The following NAA50 variants were observed in gnomAD, a reference collection of about 807,000 sequenced individuals.
NAA50 encodes the protein N-alpha-acetyltransferase 50.
In NAA50, 7 loss-of-function variants were observed where a neutral mutation model predicts 20.7. That is an observed-to-expected ratio of 0.34 (90% confidence interval 0.19 to 0.63). The LOEUF (loss-of-function observed/expected upper bound fraction) is 0.63. Ranked by LOEUF, NAA50 falls within the 30% of genes least tolerant of loss-of-function variation. The probability of loss-of-function intolerance (pLI) is 0.75; values close to 1 mark genes in which losing one functional copy is unlikely to be tolerated. For synonymous variants in NAA50, 54 were observed against 70.6 expected (o/e 0.77, Z 1.18); for missense variants, 111 against 199.1 (o/e 0.56, Z 2.66).
intron 1 of NAA50, among the ~76,000 whole-genome samples, chr3:113,745,366 GT>G (rs1559744240): frequency 6.6e-6 from 1 of 152,240 alleles, no homozygotes; most frequent in Non-Finnish European, 1.5e-5. Context: ...CAAGTCTACA[GT>G]GATCGCGCTC....
intron 1 of NAA50, among the ~76,000 whole-genome samples, chr3:113,732,264 A>G (rs1398010004): frequency 6.6e-6 from 1 of 152,210 alleles, no homozygotes; most frequent in Non-Finnish European, 1.5e-5. Context: ...GACAAAAAAG[A>G]TTTTAAGATG....
intron 1 of NAA50, among the ~76,000 whole-genome samples, chr3:113,731,345 T>C (rs1408791339): frequency 6.6e-6 from 1 of 152,208 alleles, no homozygotes; most frequent in Non-Finnish European, 1.5e-5. Context: ...TATTTCTGAG[T>C]TGTATTCAAG....
In NAA50 at chr3:113,744,219, T is replaced by C. The variant is rs550617849; in HGVS notation, c.8+1723A>G. Among the ~76,000 whole-genome samples the C allele has an allele frequency of 2.6e-5, 4 of 152,246 alleles. No homozygotes were observed. In the East Asian group the frequency reaches 7.7e-4, roughly 29 times the overall value. ...GCTCACACCTGTAATCCCAGCACTT[T>C]GGGAGGCAGAGGTGGGTGGATCGCT... On this transcript the variant is annotated intron_variant, in intron 1 of 4. Transcript: ENST00000240922.
chr3:113,722,782 G>C (rs887229727), intron 4 of NAA50, 124 bp downstream of exon 4: 1 of 1,161,998 alleles, frequency 8.6e-7, no homozygotes, highest in Non-Finnish European at 1.2e-6. Context: ...CGAATACTTT[G>C]TAACAACTAC....
At position 113,724,107 on chromosome 3, in the gene NAA50, C is replaced by T. The variant is rs1320163016; in HGVS notation, c.9-12G>A. 2 of 1,552,384 alleles carry T rather than the reference C, an allele frequency of 1.3e-6. No individual in the cohort carries two copies. Among genetic ancestry groups the T allele is most frequent in the African/African-American group, 2.7e-5 (2 of 73,254 alleles). ...GCTCGATCCGGCTACTGGAACAAAT[C>T]AAAATGTACTCAATAAAACATAATT... On this transcript the variant is annotated splice_polypyrimidine_tract_variant and intron_variant, in intron 1 of 4. Coordinates refer to ENST00000240922, the MANE Select transcript of NAA50 (RefSeq NM_025146.4).
In NAA50 at chr3:113,721,210, A is replaced by G. The variant is rs1708130755; in HGVS notation, c.*550T>C. ...ATATAATTACTTAAAAATCAACATA[A>G]GCTTAGTATTTCTTACAAGGATAAC... On this transcript the variant is annotated 3_prime_UTR_variant, in exon 5 of 5. Transcript: ENST00000240922. The G allele has an allele frequency of 6.5e-6, 1 of 153,252 alleles. No homozygotes were observed. The highest frequency in any genetic ancestry group is 1.9e-4 in the East Asian group (1 of 5,214). The allele number at this position is 153,252 out of a possible 1,614,324, so 9.5% of individuals were successfully genotyped here.
intron 1 of NAA50, chr3:113,741,296 C>T: frequency 2.8e-6 from 1 of 355,112 alleles, no homozygotes; most frequent in Non-Finnish European, 5.5e-6. Context: ...CCACAAGGTA[C>T]ATTTCAACTG....
intron 1 of NAA50, among the ~76,000 whole-genome samples, chr3:113,742,078 C>G (rs975173530): frequency 1.3e-5 from 2 of 152,124 alleles, no homozygotes; most frequent in African/African-American, 4.8e-5. Context: ...CATCTCAACA[C>G]AGCAAGGGCA....
chr3:113,721,508 A>T lies in NAA50; in HGVS notation c.*252T>A, dbSNP rs1708135686. The T allele has an allele frequency of 3.9e-6, 2 of 509,910 alleles. No homozygotes were observed. The highest frequency in any genetic ancestry group is 3.9e-5 in the African/African-American group (2 of 51,614). The allele number at this position is 509,910 out of a possible 1,614,324, so 31.6% of individuals were successfully genotyped here. A position where few individuals can be genotyped will look rare whatever the true frequency, so the allele number is the denominator to read the frequency against. On this transcript the variant is annotated 3_prime_UTR_variant, in exon 5 of 5. Coordinates refer to ENST00000240922, the MANE Select transcript of NAA50 (RefSeq NM_025146.4). ...TTAGGACCATCTAACTTCAACTGCA[A>T]AACTAAACAGATCTACCTTGTCCTT...
intron 1 of NAA50, among the ~76,000 whole-genome samples, chr3:113,739,232 A>T (rs1395531064): frequency 2.0e-5 from 3 of 152,232 alleles, no homozygotes; most frequent in Admixed American, 6.5e-5. Flanking sequence ...AACGCATCGC[A>T]AAGAAAATTT....
intron 1 of NAA50, among the ~76,000 whole-genome samples, chr3:113,733,189 G>C (rs571083866): frequency 2.0e-5 from 3 of 152,204 alleles, no homozygotes; most frequent in African/African-American, 7.2e-5. Context: ...TCCTTTATCA[G>C]ACAGATGATT....
chr3:113,745,066 C>CT (rs1460534618), intron 1 of NAA50, among the ~76,000 whole-genome samples: 2 of 152,168 alleles, frequency 1.3e-5, no homozygotes, highest in African/African-American at 4.8e-5. Context: ...TCCAAAACGG[C>CT]TTGAGACAAT....
chr3:113,740,390 C>A (rs1199655218), intron 1 of NAA50, among the ~76,000 whole-genome samples: 4 of 152,150 alleles, frequency 2.6e-5, no homozygotes, highest in Non-Finnish European at 5.9e-5. Context: ...GAGACAGGGT[C>A]TCCCTCTGTC....
intron 1 of NAA50, chr3:113,741,009 C>A: frequency 2.0e-6 from 1 of 495,484 alleles, no homozygotes. Flanking sequence ...TTTTACATAA[C>A]ATTAACAGTT....
Position 113,721,742 on chromosome 3 carries a change from A to C in NAA50, c.*18T>G. On this transcript the variant is annotated 3_prime_UTR_variant, in exon 5 of 5. Transcript: ENST00000240922. ...ATTTGGCGACAAGCAAGTGCAAGAAAGTTCATTTGTAATTTGTTCAGTTGT... is the reference window on the plus strand; with the variant it reads ...ATTTGGCGACAAGCAAGTGCAAGAACGTTCATTTGTAATTTGTTCAGTTGT... 6.2e-7 allele frequency: 1 copy of C among 1,613,478 alleles called. No homozygotes were observed. The highest frequency in any genetic ancestry group is 8.5e-7 in the Non-Finnish European group (1 of 1,179,644).
In NAA50 at chr3:113,718,963, GTT is replaced by G. The variant is rs1005326895; in HGVS notation, c.*2795_*2796del. 16 of 152,718 alleles carry G rather than the reference GTT, an allele frequency of 1.0e-4. No homozygotes were observed. Among genetic ancestry groups the G allele is most frequent in the African/African-American group, 3.6e-4 (15 of 41,556 alleles). The allele number at this position is 152,718 out of a possible 1,614,324, so 9.5% of individuals were successfully genotyped here. A position where few individuals can be genotyped will look rare whatever the true frequency, so the allele number is the denominator to read the frequency against. ...GCTGGCTGCAGAATTCAACAATACA[GTT>G]TTGACATTTACAGATATCACAGATC... On this transcript the variant is annotated 3_prime_UTR_variant, in exon 5 of 5. Transcript: ENST00000240922.
chr3:113,736,700 GTTTT>G (rs1426460486), intron 1 of NAA50, among the ~76,000 whole-genome samples: 4 of 152,048 alleles, frequency 2.6e-5, no homozygotes. Context: ...GTAAAAAGTG[GTTTT>G]TTTAAGAAGG....
At chr3:113,729,436 GA>G (rs1274594325) in intron 1 of NAA50, among the ~76,000 whole-genome samples, 1 of 152,116 alleles carries the variant, frequency 6.6e-6, no homozygotes, top group Non-Finnish European at 1.5e-5. Context: ...AAATATTTAG[GA>G]CTACTGTTGA....
Position 113,719,812 on chromosome 3 carries a change from G to A in NAA50, c.*1948C>T, listed in dbSNP as rs962241617. 1 of 152,610 alleles carries A rather than the reference G, an allele frequency of 6.6e-6. No homozygotes were observed. Among genetic ancestry groups the A allele is most frequent in the Non-Finnish European group, 1.5e-5 (1 of 68,000 alleles). 9.5% of individuals were successfully genotyped at this position (152,610 alleles called of 1,614,324 possible). A position where few individuals can be genotyped will look rare whatever the true frequency, so the allele number is the denominator to read the frequency against. ...AGATAGTCCAGGTGAAATGGTTATA[G>A]AAATAGAGGCAGTGTCATCTCAGAA... On this transcript the variant is annotated 3_prime_UTR_variant, in exon 5 of 5. Transcript: ENST00000240922.
Sources: gnomAD v4.1 joint callset for allele counts (sites outside exome capture counted in the v4.1 genomes callset) on GRCh38, gnomAD v4.1.1 for gene constraint, MANE v1.5 for transcripts, NCBI Gene and HGNC (gene_info 2026-07-23, HGNC 2026-07-21) for gene names.